The following SKAP1 variants were observed in gnomAD, a reference collection of about 807,000 sequenced individuals.
SKAP1 encodes src kinase-associated phosphoprotein 1.
A neutral mutation model predicts 58.5 loss-of-function variants in SKAP1; 44 were observed. The ratio of observed to expected loss-of-function variants is 0.75; its 90% CI spans 0.59 to 0.97. The LOEUF (loss-of-function observed/expected upper bound fraction) is 0.97, where lower values mean the gene tolerates loss of function less well. Ranked by LOEUF, SKAP1 falls within the 50% of genes least tolerant of loss-of-function variation. The probability of loss-of-function intolerance (pLI) is 0.00; values close to 1 mark genes in which losing one functional copy is unlikely to be tolerated. For synonymous variants in SKAP1, 127 were observed against 149.7 expected, an observed-to-expected ratio of 0.85 and a Z score of 1.11; for missense variants, 390 against 435.2, an observed-to-expected ratio of 0.90 and a Z score of 0.92.
intron 1 of SKAP1, among the ~76,000 whole-genome samples, chr17:48,404,203 A>C (rs2067539711): frequency 6.6e-6 from 1 of 152,176 alleles, no homozygotes; most frequent in Non-Finnish European, 1.5e-5. Flanking sequence ...CTGTAATCCC[A>C]GCACTTTGGG....
intron 4 of SKAP1, chr17:48,294,652 G>C (rs1047647094): frequency 6.6e-6 from 1 of 152,126 alleles, no homozygotes; most frequent in Non-Finnish European, 1.5e-5. Context: ...TGGGTGTGGG[G>C]AAATTATGAC....
chr17:48,354,788 C>T (rs2066853719), intron 3 of SKAP1, among the ~76,000 whole-genome samples: 1 of 152,056 alleles, frequency 6.6e-6, no homozygotes, highest in Admixed American at 6.6e-5. Context: ...ATTATTTAGC[C>T]TCAAAATATC....
At chr17:48,152,863 G>T (rs1402868322) in intron 11 of SKAP1, among the ~76,000 whole-genome samples, 1 of 152,176 alleles carries the variant, frequency 6.6e-6, no homozygotes, top group Non-Finnish European at 1.5e-5. Context: ...AAAATAAATG[G>T]CTGGAATTTT....
At chr17:48,205,425 T>C (rs2064797764) in intron 4 of SKAP1, among the ~76,000 whole-genome samples, 2 of 151,688 alleles carry the variant, frequency 1.3e-5, no homozygotes, top group African/African-American at 2.4e-5. Context: ...AAATCTTAAA[T>C]AGAACAAAAA....
At chr17:48,179,600 G>C (rs773152335) in intron 9 of SKAP1, among the ~76,000 whole-genome samples, 54 of 152,174 alleles carry the variant, frequency 3.5e-4, no homozygotes, top group Admixed American at 2.0e-3. Flanking sequence ...TCAAGGTTTG[G>C]TCTATCAAGG....
intron 4 of SKAP1, among the ~76,000 whole-genome samples, chr17:48,328,598 T>C (rs1389234787): frequency 6.6e-6 from 1 of 151,856 alleles, no homozygotes; most frequent in East Asian, 1.9e-4. Context: ...AGTGGGTGAA[T>C]ACTGAAAAAA....
intron 9 of SKAP1, among the ~76,000 whole-genome samples, chr17:48,171,688 G>A (rs1388092202): frequency 1.3e-5 from 2 of 151,804 alleles, no homozygotes; most frequent in Non-Finnish European, 2.9e-5. Flanking sequence ...TTATCTCTAT[G>A]CAAGCATTCT....
At chr17:48,268,751 C>A (rs760153409) in intron 4 of SKAP1, among the ~76,000 whole-genome samples, 13 of 152,102 alleles carry the variant, frequency 8.5e-5, no homozygotes, top group Non-Finnish European at 1.8e-4. Flanking sequence ...CTCAGCCTCC[C>A]AAAGTGCTGG....
intron 4 of SKAP1, among the ~76,000 whole-genome samples, chr17:48,261,098 G>C (rs2065479470): frequency 6.6e-6 from 1 of 152,154 alleles, no homozygotes; most frequent in Non-Finnish European, 1.5e-5. Flanking sequence ...AGTTGTGTTT[G>C]GATCTGAACG....
chr17:48,261,922 C>A (rs550575359), intron 4 of SKAP1, among the ~76,000 whole-genome samples: 1 of 152,178 alleles, frequency 6.6e-6, no homozygotes, highest in Non-Finnish European at 1.5e-5. Flanking sequence ...CTTGGAAAGG[C>A]GTTGGATCAA....
intron 4 of SKAP1, among the ~76,000 whole-genome samples, chr17:48,316,970 C>G (rs962193890): frequency 9.9e-5 from 15 of 152,194 alleles, no homozygotes; most frequent in African/African-American, 3.6e-4. Context: ...GATCCTTCAT[C>G]TTCTCCCTTA....
upstream of SKAP1, among the ~76,000 whole-genome samples, chr17:48,435,034 C>T (rs1422063041): frequency 3.3e-5 from 5 of 152,074 alleles, no homozygotes; most frequent in Non-Finnish European, 7.4e-5. Context: ...GCCTGTAGTC[C>T]CAGCTACTCT....
At chr17:48,229,177 T>C (rs2065100755) in intron 4 of SKAP1, among the ~76,000 whole-genome samples, 1 of 152,190 alleles carries the variant, frequency 6.6e-6, no homozygotes, top group South Asian at 2.1e-4. Context: ...ATCTCTTTTT[T>C]CAACTTAGGG....
At chr17:48,394,817 A>G (rs868426179) in intron 2 of SKAP1, among the ~76,000 whole-genome samples, 5 of 152,238 alleles carry the variant, frequency 3.3e-5, no homozygotes, top group Non-Finnish European at 5.9e-5. Context: ...CATTAACAGA[A>G]TGATGATTGA....
At chr17:48,144,856 T>C (rs1407186520) in intron 11 of SKAP1, among the ~76,000 whole-genome samples, 1 of 152,236 alleles carries the variant, frequency 6.6e-6, no homozygotes, top group African/African-American at 2.4e-5. Flanking sequence ...CCAGGAGACC[T>C]GAAATCCTCA....
rs112794738 is a variant in SKAP1 at position 48,287,730 on chromosome 17, A to C, written c.280+58175T>G. 4.0e-3 allele frequency among the ~76,000 whole-genome samples: 615 copies of C among 152,312 alleles called. 8 individuals are homozygous for C. The highest frequency in any genetic ancestry group is 0.014 in the African/African-American group (589 of 41,568). On this transcript the variant is annotated intron_variant, in intron 4 of 12. Transcript: ENST00000336915. ...TAGTTAAATGCTGCTCAGACTCTAG[A>C]GTTCATTAGCTTATCAGTCAAATAC... is the stretch of plus-strand genomic sequence containing the variant.
intron 2 of SKAP1, among the ~76,000 whole-genome samples, chr17:48,372,716 T>C (rs147812700): frequency 4.7e-4 from 72 of 152,142 alleles, no homozygotes; most frequent in Non-Finnish European, 8.7e-4. Flanking sequence ...TCATAGCTTA[T>C]TGTAAACTTG....
At chr17:48,261,095 T>C (rs1460459467) in intron 4 of SKAP1, among the ~76,000 whole-genome samples, 1 of 152,194 alleles carries the variant, frequency 6.6e-6, no homozygotes, top group Non-Finnish European at 1.5e-5. Context: ...TATAGTTGTG[T>C]TTGGATCTGA....
intron 4 of SKAP1, among the ~76,000 whole-genome samples, chr17:48,279,109 C>T (rs17694670): frequency 0.084 from 12,756 of 152,182 alleles, 699 homozygotes; most frequent in East Asian, 0.2. Context: ...GAGGATGAGG[C>T]CACTTAACAG....
Sources: gnomAD v4.1 joint callset for allele counts (sites outside exome capture counted in the v4.1 genomes callset) on GRCh38, gnomAD v4.1.1 for gene constraint, MANE v1.5 for transcripts, NCBI Gene and HGNC (gene_info 2026-07-23, HGNC 2026-07-21) for gene names.